Variants in CTNNA2 observed in about 807,000 individuals in gnomAD.
The protein encoded by CTNNA2 is catenin alpha 2.
A neutral mutation model predicts 101.0 loss-of-function variants in CTNNA2; 42 were observed. That is an observed-to-expected ratio of 0.42 (90% confidence interval 0.32 to 0.54). The LOEUF is 0.54. Among genes scored for constraint, CTNNA2 ranks in the 20% least tolerant of loss-of-function variants. The pLI is 0.14. For synonymous variants in CTNNA2, 450 were observed against 456.4 expected, an observed-to-expected ratio of 0.99 and a Z score of 0.18; for missense variants, 871 against 1,223.1, an observed-to-expected ratio of 0.71 and a Z score of 4.29.
At chr2:80,535,847 T>C (rs1432206617) in intron 9 of CTNNA2, among the ~76,000 whole-genome samples, 1 of 152,178 alleles carries the variant, frequency 6.6e-6, no homozygotes, top group Non-Finnish European at 1.5e-5. Flanking sequence ...GTGTAGCTGC[T>C]CATTTTAAAA....
chr2:79,619,606 A>G (rs1678863736), intron 1 of CTNNA2, among the ~76,000 whole-genome samples: 2 of 152,140 alleles, frequency 1.3e-5, no homozygotes, highest in South Asian at 4.1e-4. Flanking sequence ...AAGCTCCGTA[A>G]TATTGTGGGT....
chr2:79,350,755 C>T (rs912815979), intron 3 of CTNNA2, among the ~76,000 whole-genome samples: 2 of 152,174 alleles, frequency 1.3e-5, no homozygotes, highest in South Asian at 4.1e-4. Context: ...TTCTCACAAA[C>T]AGTGTATAGT....
chr2:80,447,353 T>G (rs918505021), intron 9 of CTNNA2, among the ~76,000 whole-genome samples: 12 of 152,218 alleles, frequency 7.9e-5, no homozygotes, highest in African/African-American at 2.9e-4. Context: ...TATCACTTGT[T>G]TTTATATTTA....
At chr2:80,531,908 G>T (rs1263576651) in intron 9 of CTNNA2, among the ~76,000 whole-genome samples, 1 of 152,150 alleles carries the variant, frequency 6.6e-6, no homozygotes, top group Non-Finnish European at 1.5e-5. Context: ...CTGGGGGTTG[G>T]CAATCTTCTT....
chr2:80,093,998 T>A (rs1699974059), intron 7 of CTNNA2, among the ~76,000 whole-genome samples: 1 of 152,138 alleles, frequency 6.6e-6, no homozygotes, highest in Middle Eastern at 3.2e-3. Flanking sequence ...GTGCAGAAGC[T>A]CTTTAGTTTA....
chr2:79,810,839 C>T (rs1676964553), intron 3 of CTNNA2, among the ~76,000 whole-genome samples: 1 of 151,862 alleles, frequency 6.6e-6, no homozygotes, highest in East Asian at 1.9e-4. Context: ...TATCCATGTC[C>T]CTACAAAGGA....
At chr2:79,707,869 A>C (rs975218200) in intron 2 of CTNNA2, among the ~76,000 whole-genome samples, 10 of 152,032 alleles carry the variant, frequency 6.6e-5, no homozygotes, top group African/African-American at 1.2e-4. Flanking sequence ...AGCTCCTTAC[A>C]TTGTTTCAAT....
At chr2:80,240,510 T>C (rs996925646) in intron 7 of CTNNA2, among the ~76,000 whole-genome samples, 9 of 152,184 alleles carry the variant, frequency 5.9e-5, no homozygotes, top group African/African-American at 2.2e-4. Flanking sequence ...CTCTCGAGTA[T>C]AGCCCTGTGA....
chr2:79,650,032 T>C lies in CTNNA2; in HGVS notation c.-5-1520T>C, dbSNP rs79203046. On this transcript the variant is annotated intron_variant, in intron 1 of 18. Transcript: ENST00000402739. ...AAATAAAAGAACAGCCATGGACATT[T>C]TGATTTATGTTGGTATTAAGGCAAA... 8.5e-3 allele frequency among the ~76,000 whole-genome samples: 1,292 copies of C among 152,138 alleles called. 26 individuals carry two copies. Among genetic ancestry groups the C allele is most frequent in the African/African-American group, 0.028 (1,174 of 41,526 alleles).
intron 2 of CTNNA2, among the ~76,000 whole-genome samples, chr2:79,218,351 A>G (rs138239617): frequency 0.4 from 44,733 of 111,620 alleles, 9,424 homozygotes; most frequent in Non-Finnish European, 0.5. Flanking sequence ...GTGTGTGTGT[A>G]TTTTTTTTTT....
intron 9 of CTNNA2, among the ~76,000 whole-genome samples, chr2:80,507,956 C>A (rs1226708433): frequency 6.6e-6 from 1 of 151,974 alleles, no homozygotes; most frequent in Non-Finnish European, 1.5e-5. Flanking sequence ...TCAGATTTGG[C>A]AAGACAGGCA....
At chr2:80,173,223 C>T (rs1010037170) in intron 7 of CTNNA2, among the ~76,000 whole-genome samples, 4 of 152,186 alleles carry the variant, frequency 2.6e-5, no homozygotes, top group African/African-American at 4.8e-5. Flanking sequence ...AGCCACGTCA[C>T]GTTTAGTGCA....
chr2:79,825,352 A>C (rs1433962955), intron 3 of CTNNA2, among the ~76,000 whole-genome samples: 2 of 152,194 alleles, frequency 1.3e-5, no homozygotes, highest in Non-Finnish European at 2.9e-5. Context: ...TGGAGTAGAA[A>C]TGGTGGTGCA....
intron 2 of CTNNA2, among the ~76,000 whole-genome samples, chr2:79,260,337 A>T (rs979944503): frequency 6.6e-6 from 1 of 152,170 alleles, no homozygotes; most frequent in African/African-American, 2.4e-5. Flanking sequence ...ACACATGAGC[A>T]TTTGTAAAAT....
intron 9 of CTNNA2, among the ~76,000 whole-genome samples, chr2:80,452,641 A>T (rs1421622307): frequency 6.6e-6 from 1 of 151,658 alleles, no homozygotes; most frequent in African/African-American, 2.4e-5. Flanking sequence ...ACAAGGGAGA[A>T]GAAAGGATGC....
chr2:79,533,339 A>G lies in CTNNA2; in HGVS notation c.-6+20132A>G, dbSNP rs78355411. Among the ~76,000 whole-genome samples, 1,433 of 152,258 alleles carry G rather than the reference A, an allele frequency of 9.4e-3. 27 individuals are homozygous for G. The highest frequency in any genetic ancestry group is 0.049 in the East Asian group (254 of 5,188). On this transcript the variant is annotated intron_variant, in intron 1 of 18. Coordinates refer to ENST00000402739, the MANE Select transcript of CTNNA2 (RefSeq NM_001282597.3). Reference sequence around the variant, plus strand: ...TACAATGTGTATCACAGAATTTAGCATATGGTCAGTAAATACAGGTATTCA... The same window carrying G: ...TACAATGTGTATCACAGAATTTAGCGTATGGTCAGTAAATACAGGTATTCA...
chr2:79,246,551 G>T (rs1185375910), intron 2 of CTNNA2, among the ~76,000 whole-genome samples: 1 of 152,144 alleles, frequency 6.6e-6, no homozygotes. Flanking sequence ...GTGGGACCTA[G>T]AGGTCTTTTT....
Position 80,562,334 on chromosome 2 carries a change from T to C in CTNNA2, c.1741+6441T>C, listed in dbSNP as rs1693681422. Among the ~76,000 whole-genome samples, 4 of 152,148 alleles carry C rather than the reference T, an allele frequency of 2.6e-5. No homozygotes were observed. The South Asian group carries it at 6.2e-4, about 24-fold the overall frequency. Reference sequence around the variant, plus strand: ...ACGACCATAACCAGATAGCTTACAATATAGAAATGTAAATGATTCCTCCTC... The same window carrying C: ...ACGACCATAACCAGATAGCTTACAACATAGAAATGTAAATGATTCCTCCTC... On this transcript the variant is annotated intron_variant, in intron 12 of 18. Coordinates refer to ENST00000402739, the MANE Select transcript of CTNNA2 (RefSeq NM_001282597.3).
rs1262743381 is a variant in CTNNA2 at position 79,413,953 on chromosome 2, ATATATATATATATATATAT to A, written c.-135+39941_-135+39959del. ...TGAATTCATATATATATATATATAT[ATATATATATATATATATAT>A]AAGCTTTTTAGTTTGATATAATTCT... On this transcript the variant is annotated intron_variant, in intron 4 of 21. Coordinates refer to the CTNNA2 transcript ENST00000466387. Among the ~76,000 whole-genome samples the A allele has an allele frequency of 1.1e-3, 37 of 33,568 alleles. 1 individual carries two copies. The highest frequency in any genetic ancestry group is 7.6e-3 in the Admixed American group (29 of 3,814). The allele number at this position is 33,568 out of a possible 152,430, so 22.0% of individuals were successfully genotyped here.
Sources: gnomAD v4.1 joint callset for allele counts (sites outside exome capture counted in the v4.1 genomes callset) on GRCh38, gnomAD v4.1.1 for gene constraint, MANE v1.5 for transcripts, NCBI Gene and HGNC (gene_info 2026-07-23, HGNC 2026-07-21) for gene names.